The following UFSP2 variants were observed in gnomAD, a reference collection of about 807,000 sequenced individuals.
UFSP2 encodes the protein ufm1-specific protease 2.
A neutral mutation model predicts 60.2 loss-of-function variants in UFSP2; 43 were observed. That is an observed-to-expected ratio of 0.71 (90% CI 0.56 to 0.92). UFSP2 has a LOEUF of 0.92. Ranked by LOEUF, UFSP2 falls within the 40% of genes least tolerant of loss-of-function variation. The pLI is 0.00. For missense variants in UFSP2, 520 were observed against 575.0 expected (o/e 0.90, Z 0.98); for synonymous variants, 183 against 195.1 (o/e 0.94, Z 0.52).
At chr4:185,407,254 C>T (rs2153278340) in intron 9 of UFSP2, among the ~76,000 whole-genome samples, 1 of 150,292 alleles carries the variant, frequency 6.7e-6, no homozygotes, top group East Asian at 2.0e-4. Flanking sequence ...GGGTTTTGCT[C>T]TGCTGGCCAG....
chr4:185,403,201 ATT>A (rs938904594), intron 11 of UFSP2, among the ~76,000 whole-genome samples: 3 of 152,226 alleles, frequency 2.0e-5, no homozygotes, highest in African/African-American at 7.2e-5. Context: ...ACTTTGATAC[ATT>A]TGTTTATGAA....
intron 11 of UFSP2, among the ~76,000 whole-genome samples, chr4:185,402,096 C>G (rs568482814): frequency 6.6e-6 from 1 of 152,138 alleles, no homozygotes; most frequent in African/African-American, 2.4e-5. Context: ...GTAGAAGCAC[C>G]TGAGATACCA....
At position 185,400,248 on chromosome 4, in the gene UFSP2, C is replaced by A; in HGVS notation, c.*144G>T. On this transcript the variant is annotated 3_prime_UTR_variant, in exon 12 of 12. Transcript: ENST00000264689. ...TAAAGGAACGTCTAAAAAATACATT[C>A]TCCGTGCAGTATTTACAACCTTTGA... 2.7e-6 allele frequency: 2 copies of A among 742,892 alleles called. No homozygotes were observed. The highest frequency in any genetic ancestry group is 2.2e-6 in the Non-Finnish European group (1 of 463,608). 46.0% of individuals were successfully genotyped at this position (742,892 alleles called of 1,614,324 possible).
At chr4:185,413,254 G>A (rs185680035) in intron 7 of UFSP2, among the ~76,000 whole-genome samples, 1 of 152,294 alleles carries the variant, frequency 6.6e-6, no homozygotes, top group African/African-American at 2.4e-5. Context: ...CAGGTGTGGT[G>A]GCAGGTGCCT....
chr4:185,404,135 T>A (rs2095517067), intron 10 of UFSP2, among the ~76,000 whole-genome samples: 1 of 151,962 alleles, frequency 6.6e-6, no homozygotes, highest in South Asian at 2.1e-4. Flanking sequence ...TCACATACAA[T>A]TTATATTCTA....
At chr4:185,424,848 A>G (rs1451512900) in intron 1 of UFSP2, among the ~76,000 whole-genome samples, 1 of 152,232 alleles carries the variant, frequency 6.6e-6, no homozygotes, top group Non-Finnish European at 1.5e-5. Context: ...ACAACTTCCC[A>G]GGGTTGTTAT....
At chr4:185,417,696 A>G (rs1030742633) in intron 4 of UFSP2, among the ~76,000 whole-genome samples, 11 of 152,102 alleles carry the variant, frequency 7.2e-5, no homozygotes, top group Admixed American at 3.3e-4. Context: ...TCTATCTTCA[A>G]TATCTGTTAA....
intron 1 of UFSP2, among the ~76,000 whole-genome samples, chr4:185,424,336 T>C (rs1031868123): frequency 5.9e-5 from 9 of 151,976 alleles, no homozygotes; most frequent in African/African-American, 2.2e-4. Context: ...AACAAAAACA[T>C]GTAAAAGGCA....
intron 10 of UFSP2, among the ~76,000 whole-genome samples, chr4:185,404,264 C>A (rs1357919601): frequency 6.6e-6 from 1 of 151,200 alleles, no homozygotes; most frequent in Non-Finnish European, 1.5e-5. Context: ...CTCTGAGTAC[C>A]TCCAGTGATA....
intron 1 of UFSP2, among the ~76,000 whole-genome samples, chr4:185,423,668 C>T (rs960598267): frequency 6.6e-6 from 1 of 152,116 alleles, no homozygotes; most frequent in Non-Finnish European, 1.5e-5. Context: ...AGAGCACTTG[C>T]AAAATGGAAC....
chr4:185,406,122 A>C, intron 9 of UFSP2: 7 of 486,706 alleles, frequency 1.4e-5, no homozygotes, highest in South Asian at 7.2e-5. Context: ...TGTATAAAGG[A>C]GGCCTGGGTT....
At chr4:185,423,368 A>C (rs2095552938) in intron 1 of UFSP2, among the ~76,000 whole-genome samples, 1 of 152,232 alleles carries the variant, frequency 6.6e-6, no homozygotes, top group South Asian at 2.1e-4. Context: ...CAATGAGAGG[A>C]AACTCATACT....
chr4:185,404,293 G>GTTT (rs70962562), intron 10 of UFSP2, among the ~76,000 whole-genome samples: 111 of 80,450 alleles, frequency 1.4e-3, no homozygotes, highest in African/African-American at 2.5e-3. Context: ...CATTCATTAA[G>GTTT]TTTTTTTTTT....
intron 7 of UFSP2, among the ~76,000 whole-genome samples, 155 bp from the exon 8 acceptor site, chr4:185,408,590 C>T (rs2095524274): frequency 6.6e-6 from 1 of 152,108 alleles, no homozygotes; most frequent in Non-Finnish European, 1.5e-5. Context: ...TAACATTATA[C>T]CTTCTTGGCT....
chr4:185,423,436 G>T (rs1455199187), intron 1 of UFSP2, among the ~76,000 whole-genome samples: 1 of 152,136 alleles, frequency 6.6e-6, no homozygotes. Context: ...AGAATCAAAG[G>T]TTTATATTCA....
chr4:185,422,084 A>G (rs1342472123), intron 2 of UFSP2, among the ~76,000 whole-genome samples: 1 of 152,322 alleles, frequency 6.6e-6, no homozygotes, highest in Non-Finnish European at 1.5e-5. Flanking sequence ...TTTCTTCCAT[A>G]GAGTTCTTGT....
In UFSP2 at chr4:185,399,949, G is replaced by C. The variant is rs1216717239; in HGVS notation, c.*443C>G. 44 of 1,573,872 alleles carry C rather than the reference G, an allele frequency of 2.8e-5. No homozygotes were observed. The highest frequency in any genetic ancestry group is 1.7e-4 in the Middle Eastern group (1 of 5,936). ...CTAGAGACCAAAAATGGGACTGCAT[G>C]GTGGAAGTTTGGGGATAAAACTCTT... On this transcript the variant is annotated 3_prime_UTR_variant, in exon 12 of 12. Transcript: ENST00000264689.
intron 1 of UFSP2, among the ~76,000 whole-genome samples, chr4:185,422,947 C>T (rs1436770861): frequency 6.6e-6 from 1 of 152,196 alleles, no homozygotes; most frequent in African/African-American, 2.4e-5. Context: ...CAACCTCCGC[C>T]TCCTGGGTGT....
At chr4:185,407,768 G>GA (rs957940921) in intron 9 of UFSP2, among the ~76,000 whole-genome samples, 168 bp downstream of exon 9, 2 of 150,454 alleles carry the variant, frequency 1.3e-5, no homozygotes, top group East Asian at 1.9e-4. Context: ...AAAAAAAAAT[G>GA]AAAAAAAATT....
Sources: gnomAD v4.1 joint callset for allele counts (sites outside exome capture counted in the v4.1 genomes callset) on GRCh38, gnomAD v4.1.1 for gene constraint, MANE v1.5 for transcripts, NCBI Gene and HGNC (gene_info 2026-07-23, HGNC 2026-07-21) for gene names.